PPP4R1: variants seen among roughly 807,000 people sequenced by gnomAD.
PPP4R1 encodes serine/threonine-protein phosphatase 4 regulatory subunit 1.
Under a neutral mutation model 111.2 loss-of-function variants are expected in PPP4R1, and 42 were observed. That is an observed-to-expected ratio of 0.38 (90% CI 0.29 to 0.49). The LOEUF is 0.49. Ranked by LOEUF, PPP4R1 falls within the 20% of genes least tolerant of loss-of-function variation. The pLI is 0.97. For synonymous variants in PPP4R1, 409 were observed against 405.5 expected, an observed-to-expected ratio of 1.01 and a Z score of -0.10; for missense variants, 1,012 against 1,161.6, an observed-to-expected ratio of 0.87 and a Z score of 1.87.
chr18:9,591,716 A>G (rs925144502), intron 4 of PPP4R1, among the ~76,000 whole-genome samples: 3 of 152,148 alleles, frequency 2.0e-5, no homozygotes, highest in Non-Finnish European at 2.9e-5. Flanking sequence ...CTCTATCCAG[A>G]GGTTAGCCTT....
chr18:9,608,168 G>A (rs1228216747), intron 2 of PPP4R1, among the ~76,000 whole-genome samples: 1 of 152,186 alleles, frequency 6.6e-6, no homozygotes. Context: ...ACAGACTTGT[G>A]TGTGAATGTT....
intron 15 of PPP4R1, 152 bp downstream of exon 15, chr18:9,557,069 T>C (rs2066599472): frequency 1.6e-6 from 1 of 643,804 alleles, no homozygotes; most frequent in Non-Finnish European, 2.5e-6. Context: ...TATGGGACCA[T>C]TTCTTTTTTA....
intron 10 of PPP4R1, among the ~76,000 whole-genome samples, chr18:9,576,331 A>G (rs2066934967): frequency 6.6e-6 from 1 of 152,220 alleles, no homozygotes; most frequent in Non-Finnish European, 1.5e-5. Flanking sequence ...GCATAACTGT[A>G]AAAGTTTGTG....
chr18:9,570,778 G>A (rs1361254340), intron 10 of PPP4R1, 95 bp from the exon 11 acceptor site: 1 of 1,307,538 alleles, frequency 7.6e-7, no homozygotes, highest in African/African-American at 1.5e-5. Context: ...ATTTAGACAA[G>A]TTAAACATTA....
chr18:9,570,265 A>G lies in PPP4R1; in HGVS notation c.1465T>C (p.Ser489Pro). The change falls in exon 11 of 20, where the codon TCT becomes CCT. Residue 489 changes from serine to proline, a missense_variant. Coordinates refer to ENST00000400556, the MANE Select transcript of PPP4R1 (RefSeq NM_001042388.3). Reference sequence around the variant, plus strand: ...GGAGAACTGGGCACAGGGCCCTCAGATTCTTCCTCTGGTCCCTCTGGGCTG... The same window carrying G: ...GGAGAACTGGGCACAGGGCCCTCAGGTTCTTCCTCTGGTCCCTCTGGGCTG... ...KPSPEGPEEE[S>P]EGPVPSSPNI... 1 of 1,610,838 alleles carries G rather than the reference A, an allele frequency of 6.2e-7. No individual in the cohort carries two copies. The highest frequency in any genetic ancestry group is 8.5e-7 in the Non-Finnish European group (1 of 1,178,742).
chr18:9,611,213 A>G (rs1217473243), intron 2 of PPP4R1, among the ~76,000 whole-genome samples: 1 of 152,108 alleles, frequency 6.6e-6, no homozygotes, highest in Non-Finnish European at 1.5e-5. Context: ...TTCCCATCCC[A>G]AGGGCCAACT....
intron 2 of PPP4R1, among the ~76,000 whole-genome samples, chr18:9,609,292 T>C (rs562894151): frequency 8.1e-4 from 124 of 152,314 alleles, no homozygotes; most frequent in Non-Finnish European, 1.5e-3. Flanking sequence ...CTCCTAAATA[T>C]GATTCACGTT....
intron 16 of PPP4R1, chr18:9,551,064 C>G (rs1477159469): frequency 6.6e-6 from 1 of 152,220 alleles, no homozygotes; most frequent in African/African-American, 2.4e-5. Flanking sequence ...GATTATGCAG[C>G]AATGATAAAT....
At chr18:9,597,441 A>G (rs2067307679) in intron 2 of PPP4R1, among the ~76,000 whole-genome samples, 1 of 152,234 alleles carries the variant, frequency 6.6e-6, no homozygotes, top group African/African-American at 2.4e-5. Context: ...AAAGCTGCAG[A>G]AAGTCCCTTT....
chr18:9,596,296 T>G (rs897976684), intron 2 of PPP4R1, among the ~76,000 whole-genome samples: 1 of 152,150 alleles, frequency 6.6e-6, no homozygotes, highest in African/African-American at 2.4e-5. Flanking sequence ...GATCCAGAGG[T>G]AAATCAGGGC....
intron 4 of PPP4R1, among the ~76,000 whole-genome samples, chr18:9,591,552 G>T (rs1414005762): frequency 6.6e-6 from 1 of 152,096 alleles, no homozygotes. Flanking sequence ...AAGACCGAAA[G>T]GTTCTCAGCT....
rs1315433935 is a variant in PPP4R1, at chr18:9,553,355, C to T, written c.2258G>A (p.Ser753Asn). The change falls in exon 16 of 20, where the codon AGT becomes AAT. Residue 753 changes from serine (S) to asparagine (N), a missense_variant. Physicochemically the swap from Ser to Asn is conservative, Grantham distance 46. Transcript: ENST00000400556. ...TTCAGCTCGAAACCGCCAATTTCTACTATTATCTGTCACCAAAAACTCCTG... is the reference window on the plus strand; with the variant it reads ...TTCAGCTCGAAACCGCCAATTTCTATTATTATCTGTCACCAAAAACTCCTG... ...QLQEFLVTDNSRNWRFRAELA... is the reference protein window; with the variant it reads ...QLQEFLVTDNNRNWRFRAELA... 2 of 1,601,756 alleles carry T rather than the reference C, an allele frequency of 1.2e-6. No individual in the cohort carries two copies. The highest frequency in any genetic ancestry group is 2.7e-5 in the African/African-American group (2 of 74,646).
chr18:9,548,952 A>G (rs1031518228), intron 19 of PPP4R1, among the ~76,000 whole-genome samples: 7 of 152,238 alleles, frequency 4.6e-5, no homozygotes, highest in African/African-American at 1.4e-4. Context: ...CTAAGTTTTA[A>G]ATGATAAAAA....
chr18:9,593,694 T>C, intron 4 of PPP4R1, 74 bp downstream of exon 4: 2 of 1,289,294 alleles, frequency 1.6e-6, no homozygotes, highest in South Asian at 2.5e-5. Flanking sequence ...AACTTGTTCA[T>C]TAGTTTTTAG....
intron 4 of PPP4R1, among the ~76,000 whole-genome samples, 164 bp from the exon 5 acceptor site, chr18:9,589,017 GATCA>G (rs1237664570): frequency 6.6e-6 from 1 of 152,194 alleles, no homozygotes; most frequent in East Asian, 1.9e-4. Flanking sequence ...ATCATACACA[GATCA>G]ATCCCATGAG....
At chr18:9,558,044 A>C (rs1458476065) in intron 14 of PPP4R1, among the ~76,000 whole-genome samples, 2 of 152,236 alleles carry the variant, frequency 1.3e-5, no homozygotes, top group Non-Finnish European at 2.9e-5. Flanking sequence ...GAAACCCTCA[A>C]CAGAAATGTG....
intron 9 of PPP4R1, 24 bp downstream of exon 9, chr18:9,583,093 C>A (rs771136561): frequency 3.2e-6 from 5 of 1,562,072 alleles, no homozygotes; most frequent in East Asian, 2.3e-5. Context: ...TATTATTTTA[C>A]AAAAGTGATA....
chr18:9,596,877 G>C (rs1204846000), intron 2 of PPP4R1, among the ~76,000 whole-genome samples: 1 of 152,142 alleles, frequency 6.6e-6, no homozygotes, highest in Non-Finnish European at 1.5e-5. Flanking sequence ...AATAACTTCT[G>C]TACTTAAAGA....
chr18:9,615,856 T>C (rs1311376431), upstream of PPP4R1, among the ~76,000 whole-genome samples: 3 of 152,244 alleles, frequency 2.0e-5, no homozygotes, highest in African/African-American at 4.8e-5. Context: ...TCAGATCCTC[T>C]GAGATTCCTA....
Sources: gnomAD v4.1 joint callset for allele counts (sites outside exome capture counted in the v4.1 genomes callset) on GRCh38, gnomAD v4.1.1 for gene constraint, MANE v1.5 for transcripts, NCBI Gene and HGNC (gene_info 2026-07-23, HGNC 2026-07-21) for gene names.